ANO6: variants seen among roughly 807,000 people sequenced by gnomAD.
ANO6 encodes anoctamin-6.
ANO6 carries 106 observed loss-of-function variants against 117.5 expected under a neutral mutation model. The observed-to-expected ratio is 0.90, with a 90% CI of 0.77 to 1.06. ANO6 has a LOEUF of 1.06. Ranked by LOEUF, ANO6 falls within the 50% of genes least tolerant of loss-of-function variation. The pLI, the probability that ANO6 is intolerant of heterozygous loss-of-function variation, is 0.00. For synonymous variants in ANO6, 367 were observed against 385.1 expected (o/e 0.95, Z 0.55); for missense variants, 955 against 1,121.1 (o/e 0.85, Z 2.12).
At chr12:45,421,354 T>C in intron 18 of ANO6, 81 bp downstream of exon 18, 1 of 1,357,716 alleles carries the variant, frequency 7.4e-7, no homozygotes, top group Admixed American at 2.0e-5. Context: ...TTTGGTGTCA[T>C]TTTTAAAATT....
chr12:45,251,638 C>G (rs1210431895), intron 1 of ANO6, among the ~76,000 whole-genome samples: 1 of 152,308 alleles, frequency 6.6e-6, no homozygotes, highest in South Asian at 2.1e-4. Context: ...AAGACTTAGC[C>G]TTCCAAGTCG....
intron 1 of ANO6, among the ~76,000 whole-genome samples, chr12:45,290,172 T>G (rs554963007): frequency 5.4e-5 from 8 of 147,224 alleles, no homozygotes; most frequent in African/African-American, 2.0e-4. Flanking sequence ...ACATGTAAAA[T>G]TTTTTTTTTT....
At position 45,243,741 on chromosome 12, in the gene ANO6, G is replaced by A. The variant is rs1187711999; in HGVS notation, c.70+27350G>A. Among the ~76,000 whole-genome samples, 3 of 152,042 alleles carry A rather than the reference G, an allele frequency of 2.0e-5. No individual in the cohort carries two copies. In the East Asian group the frequency reaches 5.8e-4, roughly 29 times the overall value. ...ATTTTTGTGTTTTTTGTAGAGATGG[G>A]GTTTTGCCATGTTGGCCCAGCTGGT... On this transcript the variant is annotated intron_variant, in intron 1 of 19. Coordinates refer to ENST00000320560, the MANE Select transcript of ANO6 (RefSeq NM_001025356.3).
intron 1 of ANO6, among the ~76,000 whole-genome samples, chr12:45,293,730 T>TG (rs1939188081): frequency 1.0e-4 from 1 of 9,850 alleles, no homozygotes; most frequent in Non-Finnish European, 3.2e-4. Context: ...CTGGCTAATG[T>TG]TTTTTTTTTT....
In ANO6 at chr12:45,401,819, A is replaced by T. The variant is rs1474720795; in HGVS notation, c.1411A>T (p.Ile471Phe). ...GATCCTATTGATCATCGCTTCAGTTATTGGGATCATTGTCTATAGGCTCTC... is the reference window on the plus strand; with the variant it reads ...GATCCTATTGATCATCGCTTCAGTTTTTGGGATCATTGTCTATAGGCTCTC... Reference protein sequence around the residue: ...FWILLIIASVIGIIVYRLSVF... With the variant: ...FWILLIIASVFGIIVYRLSVF... The change falls in exon 13 of 20, where the codon ATT becomes TTT. Residue 471 changes from isoleucine (I) to phenylalanine (F), a missense_variant. Ile to Phe is a conservative substitution (Grantham distance 21). Coordinates refer to ENST00000320560, the MANE Select transcript of ANO6 (RefSeq NM_001025356.3). 6.2e-7 allele frequency: 1 copy of T among 1,613,422 alleles called. No homozygotes were observed. Among genetic ancestry groups the T allele is most frequent in the South Asian group, 1.1e-5 (1 of 91,032 alleles).
In ANO6 at chr12:45,401,941, G is replaced by A. The variant is rs758140092; in HGVS notation, c.1533G>A (p.Thr511=). ...YLTPQTATSI[T]ASIISFIIIM... ...CTCCACAGACAGCCACGTCCATCAC[G>A]GCCTCCATCATCAGCTTTATAATTA... The change falls in exon 13 of 20, where the codon ACG becomes ACA. Residue 511 remains threonine, a synonymous_variant. Transcript: ENST00000320560. 5.6e-6 allele frequency: 9 copies of A among 1,613,688 alleles called. No homozygotes were observed. The highest frequency in any genetic ancestry group is 1.6e-4 in the Middle Eastern group (1 of 6,084).
At chr12:45,249,127 G>A (rs1947866525) in intron 1 of ANO6, among the ~76,000 whole-genome samples, 1 of 152,152 alleles carries the variant, frequency 6.6e-6, no homozygotes, top group Non-Finnish European at 1.5e-5. Context: ...TGCTTTGAAA[G>A]ATCTCATTAT....
At position 45,429,266 on chromosome 12, in the gene ANO6, G is replaced by C. The variant is rs891282741; in HGVS notation, c.2688G>C (p.Arg896=). 6.2e-7 allele frequency: 1 copy of C among 1,613,692 alleles called. No individual in the cohort carries two copies. Among genetic ancestry groups the C allele is most frequent in the Admixed American group, 1.7e-5 (1 of 59,964 alleles). Residue 896 remains arginine (R), a synonymous_variant, in exon 20 of 20, where the codon CGG becomes CGC. Transcript: ENST00000320560. ...MTKNMGVIAE[R]MIEAVDNNLR... is the part of the protein sequence containing the mutation. ...AAAATATGGGGGTGATAGCTGAGCG[G>C]ATGATAGAAGCAGTAGATAACAATT...
At chr12:45,396,623 G>T (rs1403383296) in intron 12 of ANO6, among the ~76,000 whole-genome samples, 1 of 152,152 alleles carries the variant, frequency 6.6e-6, no homozygotes, top group Non-Finnish European at 1.5e-5. Context: ...CATGGTACTG[G>T]TACCAAAACA....
chr12:45,315,610 C>T (rs1939999178), intron 2 of ANO6, among the ~76,000 whole-genome samples: 1 of 152,096 alleles, frequency 6.6e-6, no homozygotes, highest in African/African-American at 2.4e-5. Flanking sequence ...CTCACTTCCT[C>T]AGCTTCCATG....
chr12:45,347,940 G>A lies in ANO6; in HGVS notation c.346-88G>A, dbSNP rs759292901. 1.2e-5 allele frequency: 16 copies of A among 1,308,540 alleles called. No homozygotes were observed. The Admixed American group carries it at 3.0e-4, about 24-fold the overall frequency. 81.1% of individuals were successfully genotyped at this position (1,308,540 alleles called of 1,614,324 possible). A position where few individuals can be genotyped will look rare whatever the true frequency, so the allele number is the denominator to read the frequency against. ...GTGGTCTCTGTATTGTTTTTTTAAA[G>A]CTACCAACAACATAAGAAAAATCTA... On this transcript the variant is annotated intron_variant, in intron 4 of 19. Transcript: ENST00000320560.
At chr12:45,235,484 A>T (rs80155032) in intron 1 of ANO6, among the ~76,000 whole-genome samples, 2,198 of 152,276 alleles carry the variant, frequency 0.014, 57 homozygotes, top group African/African-American at 0.05. Context: ...CCTCCTGGGC[A>T]TAATAGAAAT....
At chr12:45,407,577 C>T (rs990556288) in intron 15 of ANO6, among the ~76,000 whole-genome samples, 13 of 146,470 alleles carry the variant, frequency 8.9e-5, no homozygotes, top group Non-Finnish European at 1.2e-4. Context: ...GCACTACTCA[C>T]AAGCATTCCA....
At chr12:45,354,708 C>T (rs1333894685) in intron 7 of ANO6, among the ~76,000 whole-genome samples, 3 of 152,110 alleles carry the variant, frequency 2.0e-5, no homozygotes, top group African/African-American at 4.8e-5. Flanking sequence ...AGCAATGAAC[C>T]ATCAAGACAA....
chr12:45,416,351 A>G (rs147239737), intron 16 of ANO6, among the ~76,000 whole-genome samples: 1 of 152,242 alleles, frequency 6.6e-6, no homozygotes, highest in East Asian at 1.9e-4. Flanking sequence ...CTAAACCACA[A>G]ATCTTCTTTC....
intron 2 of ANO6, among the ~76,000 whole-genome samples, chr12:45,309,288 G>A (rs549502143): frequency 1.3e-5 from 2 of 152,186 alleles, no homozygotes; most frequent in African/African-American, 4.8e-5. Context: ...CCCAGAATCA[G>A]AATTTCAGTG....
chr12:45,401,625 T>A (rs1942789395), intron 12 of ANO6, among the ~76,000 whole-genome samples, 170 bp from the exon 13 acceptor site: 1 of 152,224 alleles, frequency 6.6e-6, no homozygotes, highest in Non-Finnish European at 1.5e-5. Context: ...CCATCATTCC[T>A]TTTTCTTTTT....
chr12:45,273,394 A>C (rs1046357768), intron 1 of ANO6, among the ~76,000 whole-genome samples: 8 of 152,292 alleles, frequency 5.3e-5, no homozygotes, highest in Admixed American at 1.3e-4. Flanking sequence ...GAATTTTGTG[A>C]TCTGACTCCC....
At position 45,388,172 on chromosome 12, in the gene ANO6, T is replaced by C; in HGVS notation, c.1177T>C (p.Leu393=). 1 of 1,613,930 alleles carries C rather than the reference T, an allele frequency of 6.2e-7. No homozygotes were observed. Among genetic ancestry groups the C allele is most frequent in the Non-Finnish European group, 8.5e-7 (1 of 1,179,848 alleles). The change falls in exon 11 of 20, where the codon TTG becomes CTG. Residue 393 remains leucine, a synonymous_variant. Transcript: ENST00000320560. ...VFMGVWVTLF[L]EFWKRRQAEL... Reference sequence around the variant, plus strand: ...TGTCTCTCTGTTAGTTACCTTGTTTTTGGAGTTTTGGAAGCGACGCCAGGC... The same window carrying C: ...TGTCTCTCTGTTAGTTACCTTGTTTCTGGAGTTTTGGAAGCGACGCCAGGC...
Sources: gnomAD v4.1 joint callset for allele counts (sites outside exome capture counted in the v4.1 genomes callset) on GRCh38, gnomAD v4.1.1 for gene constraint, MANE v1.5 for transcripts, NCBI Gene and HGNC (gene_info 2026-07-23, HGNC 2026-07-21) for gene names.